The following TOR1AIP1 variants were observed in gnomAD, a reference collection of about 807,000 sequenced individuals.
The protein encoded by TOR1AIP1 is torsin 1A interacting protein 1.
In TOR1AIP1, 54 loss-of-function variants were observed where a neutral mutation model predicts 63.3. The observed-to-expected ratio is 0.85, with a 90% CI of 0.69 to 1.07. TOR1AIP1 has a LOEUF of 1.07. TOR1AIP1 is among the 50% of genes least tolerant of loss of function. TOR1AIP1 has a pLI of 0.00. For synonymous variants in TOR1AIP1, 294 were observed against 273.5 expected (o/e 1.07, Z -0.74); for missense variants, 736 against 715.0 (o/e 1.03, Z -0.33).
At chr1:179,888,591 G>GT (rs1280859952) in intron 2 of TOR1AIP1, among the ~76,000 whole-genome samples, 1 of 152,170 alleles carries the variant, frequency 6.6e-6, no homozygotes, top group Non-Finnish European at 1.5e-5. Flanking sequence ...TCCAGAATGT[G>GT]TTTTTTGCAA....
At chr1:179,914,322 C>G (rs959240209) in intron 9 of TOR1AIP1, among the ~76,000 whole-genome samples, 5 of 152,172 alleles carry the variant, frequency 3.3e-5, no homozygotes, top group African/African-American at 1.2e-4. Flanking sequence ...ATACTGTTAA[C>G]TGAGAAAACC....
At chr1:179,891,162 C>G (rs773857082) in intron 3 of TOR1AIP1, among the ~76,000 whole-genome samples, 1 of 152,124 alleles carries the variant, frequency 6.6e-6, no homozygotes. Context: ...TCATTAAATT[C>G]ACACTATTAG....
chr1:179,882,829 G>A lies in TOR1AIP1; in HGVS notation c.327G>A (p.Arg109=). The stretch of plus-strand genomic sequence containing the variant: ...AAAGCGCGTACTACCTTCGGTCTAG[G>A]CAGCGGAGGCAGCCGCGACCCCAGG... ...VRESAYYLRS[R]QRRQPRPQET... Residue 109 remains arginine, a synonymous_variant, in exon 1 of 10, where the codon AGG becomes AGA. Transcript: ENST00000606911. The A allele has an allele frequency of 2.5e-6, 4 of 1,614,222 alleles. No individual in the cohort carries two copies. The highest frequency in any genetic ancestry group is 3.4e-6 in the Non-Finnish European group (4 of 1,180,050).
At chr1:179,895,809 A>C (rs1648248050) in intron 3 of TOR1AIP1, among the ~76,000 whole-genome samples, 1 of 151,722 alleles carries the variant, frequency 6.6e-6, no homozygotes, top group South Asian at 2.1e-4. Flanking sequence ...CTGAGGCAGG[A>C]GAATCACTTG....
At chr1:179,893,486 G>A (rs142548065) in intron 3 of TOR1AIP1, among the ~76,000 whole-genome samples, 3 of 151,766 alleles carry the variant, frequency 2.0e-5, no homozygotes, top group Admixed American at 1.3e-4. Context: ...TGTCACCCAC[G>A]CTGGACTGTA....
intron 3 of TOR1AIP1, among the ~76,000 whole-genome samples, chr1:179,896,922 A>G (rs1648299169): frequency 6.6e-6 from 1 of 152,212 alleles, no homozygotes; most frequent in Admixed American, 6.5e-5. Context: ...TTTAAAATGT[A>G]TCTGTAGCCA....
At position 179,884,825 on chromosome 1, in the gene TOR1AIP1, A is replaced by G. The variant is rs373622780; in HGVS notation, c.553+56A>G. The G allele has an allele frequency of 1.0e-5, 14 of 1,354,750 alleles. No individual in the cohort carries two copies. In the Admixed American group the frequency reaches 1.6e-4, roughly 16 times the overall value. The allele number at this position is 1,354,750 out of a possible 1,614,324, so 83.9% of individuals were successfully genotyped here. A position where few individuals can be genotyped will look rare whatever the true frequency, so the allele number is the denominator to read the frequency against. ...TTACCTACCAACTTTTTAAATGTTC[A>G]TTGAATTAAACAATGTAAGTATGTG... On this transcript the variant is annotated intron_variant, in intron 2 of 9. Transcript: ENST00000606911.
chr1:179,912,002 C>CTTTTTTTTTTTTTTTTT (rs1558046486), intron 8 of TOR1AIP1, among the ~76,000 whole-genome samples: 1 of 127,988 alleles, frequency 7.8e-6, no homozygotes, highest in Admixed American at 8.2e-5. Context: ...TTTCTTTTTT[C>CTTTTTTTTTTTTTTTTT]TTTTTTTTCT....
intron 2 of TOR1AIP1, among the ~76,000 whole-genome samples, chr1:179,886,467 T>G (rs1305095621): frequency 6.6e-6 from 1 of 152,202 alleles, no homozygotes; most frequent in African/African-American, 2.4e-5. Context: ...GGCCTTTACC[T>G]GTGTTATTTG....
chr1:179,883,018 G>C (rs764408471), intron 1 of TOR1AIP1, 41 bp downstream of exon 1: 203 of 1,569,638 alleles, frequency 1.3e-4, no homozygotes, highest in Non-Finnish European at 1.7e-4. Flanking sequence ...GCGAGCCAGG[G>C]AACGCGCGGG....
chr1:179,917,207 CAA>C (rs1649047446), intron 9 of TOR1AIP1, among the ~76,000 whole-genome samples: 1 of 152,092 alleles, frequency 6.6e-6, no homozygotes, highest in Non-Finnish European at 1.5e-5. Context: ...CTTTTTTCCT[CAA>C]AGACTTATTT....
chr1:179,882,758 C>G lies in TOR1AIP1; in HGVS notation c.256C>G (p.Arg86Gly), dbSNP rs746473367. ...AAGGTCCCCGGTGGGAAAACGAACC[C>G]GGCTAGAAGAGTTCCGGTCCGATTC... ...KERSPVGKRTRLEEFRSDSAK... is the reference protein window; with the variant it reads ...KERSPVGKRTGLEEFRSDSAK... Residue 86 changes from arginine (R) to glycine (G), a missense_variant, in exon 1 of 10, where the codon CGG (arginine) becomes GGG (glycine). Physicochemically the swap from Arg to Gly is moderately radical, Grantham distance 125. Around this residue, in one of 2 missense-constraint regions of TOR1AIP1, gnomAD observed 464 missense variants for 371.0 expected, o/e 1.25. Transcript: ENST00000606911. 6.2e-7 allele frequency: 1 copy of G among 1,614,174 alleles called. No homozygotes were observed. Among genetic ancestry groups the G allele is most frequent in the South Asian group, 1.1e-5 (1 of 91,082 alleles).
chr1:179,917,349 T>C, intron 9 of TOR1AIP1, 103 bp from the exon 10 acceptor site: 4 of 970,760 alleles, frequency 4.1e-6, no homozygotes, highest in Non-Finnish European at 6.2e-6. Flanking sequence ...TCCTTCCTCT[T>C]TTACCTAATG....
chr1:179,886,784 G>T (rs1383434839), intron 2 of TOR1AIP1, among the ~76,000 whole-genome samples: 1 of 152,134 alleles, frequency 6.6e-6, no homozygotes, highest in African/African-American at 2.4e-5. Context: ...TCTTTGAGAG[G>T]TTTGAGATAC....
intron 6 of TOR1AIP1, 30 bp downstream of exon 6, chr1:179,904,052 C>T: frequency 6.5e-7 from 1 of 1,536,146 alleles, no homozygotes; most frequent in Non-Finnish European, 8.9e-7. Flanking sequence ...CAGTGTCTTC[C>T]TGTGAGCTTG....
intron 2 of TOR1AIP1, among the ~76,000 whole-genome samples, chr1:179,888,382 T>A (rs992720249): frequency 6.6e-6 from 1 of 152,208 alleles, no homozygotes; most frequent in Non-Finnish European, 1.5e-5. Context: ...GCTATCATCC[T>A]CCTGCCTTCG....
intron 3 of TOR1AIP1, among the ~76,000 whole-genome samples, chr1:179,894,671 A>G (rs1389676288): frequency 6.6e-6 from 1 of 152,048 alleles, no homozygotes; most frequent in East Asian, 1.9e-4. Flanking sequence ...CGGCAACAAG[A>G]GCAAGACTCC....
intron 2 of TOR1AIP1, among the ~76,000 whole-genome samples, chr1:179,887,555 A>G (rs1359781359): frequency 2.0e-5 from 3 of 152,206 alleles, no homozygotes; most frequent in Non-Finnish European, 4.4e-5. Flanking sequence ...GAAATTCCAT[A>G]ATTGAGTTGT....
intron 6 of TOR1AIP1, among the ~76,000 whole-genome samples, chr1:179,905,428 C>A (rs1648602089): frequency 6.6e-6 from 1 of 151,998 alleles, no homozygotes; most frequent in Non-Finnish European, 1.5e-5. Context: ...TTTTTAAAAT[C>A]ATTGTATTTC....
Sources: gnomAD v4.1 joint callset for allele counts (sites outside exome capture counted in the v4.1 genomes callset) on GRCh38, gnomAD v4.1.1 for gene constraint, gnomAD v4.1.1 regional missense constraint, MANE v1.5 for transcripts, NCBI Gene and HGNC (gene_info 2026-07-23, HGNC 2026-07-21) for gene names.